TMCC1: variants seen among roughly 807,000 people sequenced by gnomAD.
TMCC1 encodes transmembrane and coiled-coil domains protein 1.
In TMCC1, 15 loss-of-function variants were observed where a neutral mutation model predicts 52.4. The ratio of observed to expected loss-of-function variants is 0.29; its 90% CI spans 0.19 to 0.44. The LOEUF is 0.44. Among genes scored for constraint, TMCC1 ranks in the 20% least tolerant of loss-of-function variants. TMCC1 has a pLI of 1.00. For synonymous variants in TMCC1, 279 were observed against 301.9 expected (o/e 0.92, Z 0.79); for missense variants, 503 against 806.0 (o/e 0.62, Z 4.55).
intron 5 of TMCC1, among the ~76,000 whole-genome samples, chr3:129,665,178 A>G (rs897951174): frequency 1.3e-5 from 2 of 152,242 alleles, no homozygotes; most frequent in Non-Finnish European, 2.9e-5. Context: ...TCAAAGGCTG[A>G]GGTGGAGTTC....
At chr3:129,730,499 A>T (rs1378314548) in intron 4 of TMCC1, among the ~76,000 whole-genome samples, 1 of 152,198 alleles carries the variant, frequency 6.6e-6, no homozygotes, top group Non-Finnish European at 1.5e-5. Flanking sequence ...TTTCTATTCT[A>T]TTCCATTAAT....
intron 4 of TMCC1, among the ~76,000 whole-genome samples, chr3:129,684,792 T>C (rs2089283329): frequency 6.6e-6 from 1 of 152,210 alleles, no homozygotes; most frequent in Non-Finnish European, 1.5e-5. Context: ...CGGGGTAGGA[T>C]AGCTTAGAGA....
chr3:129,849,374 C>A (rs1161964160), intron 2 of TMCC1, among the ~76,000 whole-genome samples: 1 of 151,440 alleles, frequency 6.6e-6, no homozygotes, highest in African/African-American at 2.4e-5. Context: ...GCATGAGAAT[C>A]GCTTGAACCC....
chr3:129,839,292 A>G (rs1356432548), intron 2 of TMCC1, among the ~76,000 whole-genome samples: 3 of 152,232 alleles, frequency 2.0e-5, no homozygotes, highest in Non-Finnish European at 2.9e-5. Context: ...CTGGGAACAC[A>G]CTATAACCAT....
intron 2 of TMCC1, among the ~76,000 whole-genome samples, chr3:129,865,340 G>A (rs1303824725): frequency 6.6e-6 from 1 of 151,028 alleles, no homozygotes; most frequent in Non-Finnish European, 1.5e-5. Context: ...TTATAGAGAC[G>A]GGGTTTTGCC....
chr3:129,729,742 C>A (rs1352292299), intron 4 of TMCC1, among the ~76,000 whole-genome samples: 3 of 152,100 alleles, frequency 2.0e-5, no homozygotes, highest in African/African-American at 7.2e-5. Context: ...CTTAGCCTAA[C>A]CTACCTTAAA....
In TMCC1 at chr3:129,649,435, TA is replaced by T; in HGVS notation, c.*2045del. 6.6e-6 allele frequency: 1 copy of T among 152,368 alleles called. No homozygotes were observed. Among genetic ancestry groups the T allele is most frequent in the Non-Finnish European group, 1.5e-5 (1 of 67,980 alleles). 9.4% of individuals were successfully genotyped at this position (152,368 alleles called of 1,614,324 possible). ...GAATTGGTTCTAATTTTTTTTTTTT[TA>T]AAGAAAAAAAGCACCCTTGTGGCCC... On this transcript the variant is annotated 3_prime_UTR_variant, in exon 7 of 7. Transcript: ENST00000393238.
At chr3:129,810,839 A>G (rs774222908) in intron 4 of TMCC1, among the ~76,000 whole-genome samples, 16 of 152,322 alleles carry the variant, frequency 1.1e-4, no homozygotes, top group South Asian at 6.2e-4. Flanking sequence ...GGAGCAGAAA[A>G]CCTGGATACT....
At chr3:129,764,757 G>GTATA (rs869170594) in intron 4 of TMCC1, among the ~76,000 whole-genome samples, 5 of 73,386 alleles carry the variant, frequency 6.8e-5, no homozygotes, top group African/African-American at 5.0e-4. Context: ...GTGTGTGTGT[G>GTATA]TATATATATA....
chr3:129,757,719 C>T (rs1037549068), intron 4 of TMCC1, among the ~76,000 whole-genome samples: 4 of 152,038 alleles, frequency 2.6e-5, no homozygotes, highest in Non-Finnish European at 5.9e-5. Flanking sequence ...GTCCCAGCTA[C>T]TTGGGAGGCT....
At chr3:129,831,981 A>G (rs1262138079) in intron 3 of TMCC1, among the ~76,000 whole-genome samples, 1 of 151,980 alleles carries the variant, frequency 6.6e-6, no homozygotes, top group African/African-American at 2.4e-5. Context: ...CTGCCTCTCA[A>G]GTAGCTGGGA....
intron 4 of TMCC1, among the ~76,000 whole-genome samples, chr3:129,709,497 A>AAAGAGAG (rs554837910): frequency 9.4e-5 from 6 of 64,080 alleles, no homozygotes; most frequent in African/African-American, 1.3e-4. Context: ...AAAAAAAAAA[A>AAAGAGAG]AGAGAGAGAG....
chr3:129,854,404 A>AG (rs1292406195), intron 2 of TMCC1, among the ~76,000 whole-genome samples: 1 of 151,024 alleles, frequency 6.6e-6, no homozygotes, highest in African/African-American at 2.4e-5. Flanking sequence ...AAAAGAAAAA[A>AG]AAAAAGAAAA....
intron 4 of TMCC1, among the ~76,000 whole-genome samples, chr3:129,783,940 G>C (rs763960085): frequency 7.2e-5 from 11 of 152,226 alleles, no homozygotes; most frequent in Non-Finnish European, 1.3e-4. Flanking sequence ...AATATTGGCA[G>C]AGACTACAAT....
chr3:129,747,390 T>C (rs553242867), intron 4 of TMCC1, among the ~76,000 whole-genome samples: 2 of 152,348 alleles, frequency 1.3e-5, no homozygotes, highest in South Asian at 4.1e-4. Flanking sequence ...ATATACATAA[T>C]ATTTGGCTCC....
chr3:129,880,158 C>T (rs2061396562), intron 2 of TMCC1, among the ~76,000 whole-genome samples, 151 bp downstream of exon 2: 1 of 151,930 alleles, frequency 6.6e-6, no homozygotes, highest in South Asian at 2.1e-4. Flanking sequence ...TGTTGAGCTA[C>T]AGGTGCTAGA....
chr3:129,818,487 TAAAG>T (rs948930116), intron 4 of TMCC1, among the ~76,000 whole-genome samples: 1 of 79,950 alleles, frequency 1.3e-5, no homozygotes, highest in Non-Finnish European at 2.3e-5. Context: ...AAGAAACTTT[TAAAG>T]AAAAGTTTTA....
At chr3:129,724,189 T>C (rs941638703) in intron 4 of TMCC1, among the ~76,000 whole-genome samples, 1 of 152,168 alleles carries the variant, frequency 6.6e-6, no homozygotes, top group Non-Finnish European at 1.5e-5. Flanking sequence ...AGAATGCCTG[T>C]TCTAGAAAGT....
intron 2 of TMCC1, among the ~76,000 whole-genome samples, chr3:129,837,722 G>C (rs2059229105): frequency 6.6e-6 from 1 of 152,104 alleles, no homozygotes; most frequent in Non-Finnish European, 1.5e-5. Flanking sequence ...GGAACTACAA[G>C]ACAGTAAATT....
Sources: gnomAD v4.1 joint callset for allele counts (sites outside exome capture counted in the v4.1 genomes callset) on GRCh38, gnomAD v4.1.1 for gene constraint, MANE v1.5 for transcripts, NCBI Gene and HGNC (gene_info 2026-07-23, HGNC 2026-07-21) for gene names.